The following MYCBP2 variants were observed in gnomAD, a reference collection of about 807,000 sequenced individuals.
MYCBP2 encodes the protein E3 ubiquitin-protein ligase MYCBP2.
In MYCBP2, 120 loss-of-function variants were observed where a neutral mutation model predicts 525.3. The observed-to-expected ratio is 0.23, with a 90% CI of 0.20 to 0.27. MYCBP2 has a LOEUF of 0.27. MYCBP2 is among the 10% of genes least tolerant of loss of function. MYCBP2 has a pLI of 1.00. For synonymous variants in MYCBP2, 1,894 were observed against 1,955.8 expected (o/e 0.97, Z 0.83); for missense variants, 4,149 against 5,657.1 (o/e 0.73, Z 8.55).
Position 77,082,019 on chromosome 13 carries a change from T to C in MYCBP2, c.11037-26A>G, listed in dbSNP as rs754683720. On this transcript the variant is annotated intron_variant, in intron 63 of 82. Coordinates refer to ENST00000544440, the MANE Select transcript of MYCBP2 (RefSeq NM_015057.5). ...CTAAAAAGGCGATATATAAGCAATA[T>C]ACGAAATAATTATTTTCCAGGAACA... 6 of 1,599,402 alleles carry C rather than the reference T, an allele frequency of 3.8e-6. No individual in the cohort carries two copies. In the Admixed American group the frequency reaches 8.7e-5, roughly 23 times the overall value.
intron 36 of MYCBP2, among the ~76,000 whole-genome samples, chr13:77,175,366 C>G (rs1275951954): frequency 6.6e-6 from 1 of 151,564 alleles, no homozygotes; most frequent in Admixed American, 6.6e-5. Flanking sequence ...AATATATAGG[C>G]AAACAGACAT....
At chr13:77,045,682 C>A (rs1156593644) in intron 82 of MYCBP2, among the ~76,000 whole-genome samples, 189 bp from the exon 83 acceptor site, 1 of 152,084 alleles carries the variant, frequency 6.6e-6, no homozygotes, top group Non-Finnish European at 1.5e-5. Context: ...AAATTCAACA[C>A]AGATATGTAC....
intron 20 of MYCBP2, among the ~76,000 whole-genome samples, chr13:77,220,861 A>G (rs2065448081): frequency 6.6e-6 from 1 of 152,180 alleles, no homozygotes; most frequent in South Asian, 2.1e-4. Context: ...CTAATCCACT[A>G]GGCACAGTAT....
chr13:77,052,709 G>A (rs996344662), intron 80 of MYCBP2, among the ~76,000 whole-genome samples: 14 of 152,270 alleles, frequency 9.2e-5, no homozygotes, highest in African/African-American at 3.4e-4. Context: ...AATATGCTTA[G>A]CAGTTCCCAA....
intron 1 of MYCBP2, among the ~76,000 whole-genome samples, chr13:77,297,406 G>T (rs1293074905): frequency 6.6e-6 from 1 of 152,144 alleles, no homozygotes; most frequent in Non-Finnish European, 1.5e-5. Flanking sequence ...GGAAAGCACA[G>T]TTTAGTGATC....
At chr13:77,061,828 G>T in intron 74 of MYCBP2, 38 bp from the exon 75 acceptor site, 1 of 1,529,518 alleles carries the variant, frequency 6.5e-7, no homozygotes, top group Non-Finnish European at 8.8e-7. Context: ...AGATTAACAA[G>T]CAAGTCTCAG....
At chr13:77,070,197 G>A (rs1484131120) in intron 69 of MYCBP2, among the ~76,000 whole-genome samples, 2 of 152,094 alleles carry the variant, frequency 1.3e-5, no homozygotes, top group Non-Finnish European at 2.9e-5. Flanking sequence ...AATGATGAAG[G>A]TATGCCAAAA....
intron 26 of MYCBP2, among the ~76,000 whole-genome samples, chr13:77,200,006 C>G (rs997283525): frequency 6.6e-6 from 1 of 152,226 alleles, no homozygotes; most frequent in South Asian, 2.1e-4. Context: ...CAAAGAAACA[C>G]AGTTCCTCAC....
intron 55 of MYCBP2, among the ~76,000 whole-genome samples, chr13:77,116,340 A>G (rs1306124888): frequency 2.0e-5 from 3 of 151,972 alleles, no homozygotes; most frequent in African/African-American, 7.2e-5. Context: ...TAGGTGATAT[A>G]CTAGTGGGAT....
chr13:77,058,595 T>C lies in MYCBP2; in HGVS notation c.13141-189A>G, dbSNP rs541749606. 6.6e-6 allele frequency among the ~76,000 whole-genome samples: 1 copy of C among 152,342 alleles called. No homozygotes were observed. The highest frequency in any genetic ancestry group is 2.1e-4 in the South Asian group (1 of 4,824). On this transcript the variant is annotated intron_variant, in intron 77 of 82. Coordinates refer to ENST00000544440, the MANE Select transcript of MYCBP2 (RefSeq NM_015057.5). This position sits in a 1 kb window ranked among gnomAD's most constrained non-coding sequence, Gnocchi z 4.1. The stretch of plus-strand genomic sequence containing the variant: ...AATTAGGCTTCTTAACAAAGTTTTT[T>C]TTTTTTGATGCGATTTTTAAAAAAT...
intron 16 of MYCBP2, among the ~76,000 whole-genome samples, 180 bp from the exon 17 acceptor site, chr13:77,243,340 T>G (rs2069218575): frequency 2.6e-5 from 4 of 152,210 alleles, no homozygotes; most frequent in Non-Finnish European, 5.9e-5. Flanking sequence ...TGGCTAGGCA[T>G]GGTGGCCCAC....
intron 18 of MYCBP2, 34 bp downstream of exon 18, chr13:77,233,122 G>C: frequency 1.9e-6 from 3 of 1,556,900 alleles, no homozygotes; most frequent in Non-Finnish European, 2.6e-6. Context: ...AATTGGGAAA[G>C]TATCCCACCT....
chr13:77,126,816 TC>T (rs1309574387), intron 52 of MYCBP2, among the ~76,000 whole-genome samples: 2 of 152,110 alleles, frequency 1.3e-5, no homozygotes, highest in Admixed American at 1.3e-4. Flanking sequence ...AATATAATCA[TC>T]CTTGATTTTA....
At chr13:77,105,278 T>C (rs1301919365) in intron 55 of MYCBP2, among the ~76,000 whole-genome samples, 3 of 152,128 alleles carry the variant, frequency 2.0e-5, no homozygotes, top group African/African-American at 7.2e-5. Context: ...TATAAGATGT[T>C]AGAGGTTTAA....
At chr13:77,104,591 G>A (rs1353801344) in intron 55 of MYCBP2, among the ~76,000 whole-genome samples, 2 of 152,112 alleles carry the variant, frequency 1.3e-5, no homozygotes, top group Non-Finnish European at 2.9e-5. Context: ...CCAAATAGAT[G>A]AGGATGTAGA....
chr13:77,152,036 A>G (rs889674861), intron 46 of MYCBP2, among the ~76,000 whole-genome samples: 5 of 152,232 alleles, frequency 3.3e-5, no homozygotes, highest in African/African-American at 1.2e-4. Flanking sequence ...AGAAATAGAA[A>G]AAGTGCAGAG....
At chr13:77,313,753 T>C (rs973248409) in intron 1 of MYCBP2, among the ~76,000 whole-genome samples, 1 of 152,000 alleles carries the variant, frequency 6.6e-6, no homozygotes, top group East Asian at 1.9e-4. Context: ...AGAACTTTTT[T>C]CCCCATCTCC....
chr13:77,286,479 T>G (rs1173265153), intron 3 of MYCBP2, among the ~76,000 whole-genome samples: 1 of 151,458 alleles, frequency 6.6e-6, no homozygotes, highest in Admixed American at 6.6e-5. Context: ...ACAGGCTGGG[T>G]GCAGTGGCTC....
rs1372116613 is a variant in MYCBP2 at position 77,045,432 on chromosome 13, A to G, written c.13983T>C (p.Thr4661=). Residue 4661 remains threonine (T), a synonymous_variant, in exon 83 of 83, where the codon ACT becomes ACC. Transcript: ENST00000544440. The part of the protein sequence containing the change: ...ECPLHVVHPP[T]GEEFALGCGV... ...CACATCCCAGAGCAAACTCTTCCCC[A>G]GTGGGTGGATGAACAACATGGAGTG... 6.2e-7 allele frequency: 1 copy of G among 1,614,162 alleles called. No homozygotes were observed. The highest frequency in any genetic ancestry group is 2.2e-5 in the East Asian group (1 of 44,888).
Sources: allele counts gnomAD v4.1 joint callset (sites outside exome capture counted in the v4.1 genomes callset), GRCh38; gene constraint gnomAD v4.1.1; non-coding constraint Gnocchi (gnomAD v3.1); transcripts MANE v1.5; gene names NCBI Gene and HGNC (gene_info 2026-07-23, HGNC 2026-07-21).